Variants in C1orf21 observed in about 807,000 individuals in gnomAD.
C1orf21 encodes chromosome 1 open reading frame 21.
A neutral mutation model predicts 18.7 loss-of-function variants in C1orf21; 3 were observed. The observed-to-expected ratio is 0.16, with a 90% CI of 0.07 to 0.42. The LOEUF (loss-of-function observed/expected upper bound fraction) is 0.42, where lower values mean the gene tolerates loss of function less well. Among genes scored for constraint, C1orf21 ranks in the 10% least tolerant of loss-of-function variants. The pLI is 0.99. For missense variants in C1orf21, 104 were observed against 143.6 expected (o/e 0.72, Z 1.41); for synonymous variants, 41 against 46.4 (o/e 0.88, Z 0.47).
At position 184,455,041 on chromosome 1, in the gene C1orf21, A is replaced by G. The variant is rs575911039; in HGVS notation, c.-124-22345A>G. ...TGAAAAGAAGGGGGCAGGGGGGACA[A>G]TCAATTATGTATTTGTCTCAGGCTC... On this transcript the variant is annotated intron_variant, in intron 1 of 5. Transcript: ENST00000235307. Among the ~76,000 whole-genome samples, 4 of 152,280 alleles carry G rather than the reference A, an allele frequency of 2.6e-5. No homozygotes were observed. The South Asian group carries it at 8.3e-4, about 32-fold the overall frequency.
intron 1 of C1orf21, among the ~76,000 whole-genome samples, chr1:184,423,185 G>A (rs1008673067): frequency 6.6e-6 from 1 of 152,190 alleles, no homozygotes; most frequent in Non-Finnish European, 1.5e-5. Flanking sequence ...AATAACTGCT[G>A]AAAGTCAGGT....
chr1:184,455,056 G>T (rs571278415), intron 1 of C1orf21, among the ~76,000 whole-genome samples: 3 of 152,088 alleles, frequency 2.0e-5, no homozygotes, highest in Non-Finnish European at 4.4e-5. Context: ...TTATGTATTT[G>T]TCTCAGGCTC....
At chr1:184,457,857 G>A (rs903366764) in intron 1 of C1orf21, among the ~76,000 whole-genome samples, 1 of 152,104 alleles carries the variant, frequency 6.6e-6, no homozygotes, top group Non-Finnish European at 1.5e-5. Context: ...ATCATTTAAA[G>A]GCATGTGTAC....
At chr1:184,424,758 CA>C (rs1317781012) in intron 1 of C1orf21, among the ~76,000 whole-genome samples, 1 of 152,150 alleles carries the variant, frequency 6.6e-6, no homozygotes, top group Non-Finnish European at 1.5e-5. Flanking sequence ...GGCACACAGC[CA>C]GTAAGTGGAA....
intron 5 of C1orf21, among the ~76,000 whole-genome samples, chr1:184,607,374 A>G (rs1659662158): frequency 1.3e-5 from 2 of 152,158 alleles, no homozygotes; most frequent in Admixed American, 1.3e-4. Context: ...TAACACTTAA[A>G]ACATCAAATG....
intron 2 of C1orf21, among the ~76,000 whole-genome samples, chr1:184,502,547 A>G (rs533852687): frequency 6.6e-6 from 1 of 152,228 alleles, no homozygotes; most frequent in South Asian, 2.1e-4. Context: ...AATGTAAATA[A>G]GCATTAGGTT....
At chr1:184,557,048 C>T (rs1040675812) in intron 3 of C1orf21, among the ~76,000 whole-genome samples, 3 of 152,254 alleles carry the variant, frequency 2.0e-5, no homozygotes, top group African/African-American at 7.2e-5. Flanking sequence ...TCTGTCAACT[C>T]GTGAATTATT....
intron 2 of C1orf21, among the ~76,000 whole-genome samples, chr1:184,488,366 A>G (rs1657764583): frequency 6.6e-6 from 1 of 152,238 alleles, no homozygotes; most frequent in African/African-American, 2.4e-5. Context: ...CCATAAATCT[A>G]TACATGAGTG....
At chr1:184,434,909 G>A (rs1656834840) in intron 1 of C1orf21, among the ~76,000 whole-genome samples, 1 of 152,180 alleles carries the variant, frequency 6.6e-6, no homozygotes, top group Non-Finnish European at 1.5e-5. Flanking sequence ...GAAACTTTTG[G>A]TGGGTTTTGA....
chr1:184,410,624 T>A lies in C1orf21; in HGVS notation c.-125+23256T>A, dbSNP rs1366002474. ...ATTAATTTGCCATATATATTATATA[T>A]ATATATATATATATATATATATATA... is the stretch of plus-strand genomic sequence containing the variant. On this transcript the variant is annotated intron_variant, in intron 1 of 5. Coordinates refer to ENST00000235307, the MANE Select transcript of C1orf21 (RefSeq NM_030806.4). Among the ~76,000 whole-genome samples, 14 of 2,810 alleles carry A rather than the reference T, an allele frequency of 5.0e-3. 4 individuals carry two copies. In the African/African-American group the frequency reaches 0.1, roughly 20 times the overall value. The allele number at this position is 2,810 out of a possible 152,430, so 1.8% of individuals were successfully genotyped here.
At chr1:184,576,937 C>T (rs1400673101) in intron 3 of C1orf21, among the ~76,000 whole-genome samples, 1 of 152,144 alleles carries the variant, frequency 6.6e-6, no homozygotes, top group Non-Finnish European at 1.5e-5. Context: ...GCACTCCAGC[C>T]AGGAGCCAAG....
chr1:184,410,648 T>A lies in C1orf21; in HGVS notation c.-125+23280T>A, dbSNP rs1405912157. Reference sequence around the variant, plus strand: ...ATATATATATATATATATATATATATATATATATATATATATTTTTTTTTT... The same window carrying A: ...ATATATATATATATATATATATATAAATATATATATATATATTTTTTTTTT... On this transcript the variant is annotated intron_variant, in intron 1 of 5. Coordinates refer to ENST00000235307, the MANE Select transcript of C1orf21 (RefSeq NM_030806.4). Among the ~76,000 whole-genome samples the A allele has an allele frequency of 2.9e-4, 2 of 7,006 alleles. 1 individual carries two copies. Among genetic ancestry groups the A allele is most frequent in the African/African-American group, 5.5e-3 (2 of 366 alleles). 4.6% of individuals were successfully genotyped at this position (7,006 alleles called of 152,430 possible). A position where few individuals can be genotyped will look rare whatever the true frequency, so the allele number is the denominator to read the frequency against.
chr1:184,415,304 A>T (rs927802414), intron 1 of C1orf21, among the ~76,000 whole-genome samples: 37 of 152,186 alleles, frequency 2.4e-4, no homozygotes, highest in Non-Finnish European at 4.1e-4. Context: ...GCCTCTTTGG[A>T]CCTTCTTCTT....
At chr1:184,613,637 C>T (rs895019891) in intron 5 of C1orf21, among the ~76,000 whole-genome samples, 3 of 152,142 alleles carry the variant, frequency 2.0e-5, no homozygotes, top group Non-Finnish European at 2.9e-5. Context: ...TACCATTTAA[C>T]AGCCTCCACC....
chr1:184,559,333 T>C (rs995006085), intron 3 of C1orf21, among the ~76,000 whole-genome samples: 1 of 152,172 alleles, frequency 6.6e-6, no homozygotes, highest in Admixed American at 6.5e-5. Context: ...TGCCTCACTT[T>C]CTGCCATGAG....
chr1:184,537,615 C>A (rs961609628), intron 3 of C1orf21, among the ~76,000 whole-genome samples: 9 of 152,082 alleles, frequency 5.9e-5, no homozygotes, highest in Non-Finnish European at 2.9e-5. Flanking sequence ...CATGGGTGTA[C>A]AAGTATCTCT....
At chr1:184,528,544 C>T (rs1328964900) in intron 3 of C1orf21, among the ~76,000 whole-genome samples, 2 of 151,960 alleles carry the variant, frequency 1.3e-5, no homozygotes, top group African/African-American at 4.8e-5. Context: ...TCCCAGGTTC[C>T]AGCAATTCTC....
At chr1:184,401,505 G>A (rs1018551627) in intron 1 of C1orf21, among the ~76,000 whole-genome samples, 7 of 152,302 alleles carry the variant, frequency 4.6e-5, no homozygotes, top group Non-Finnish European at 8.8e-5. Flanking sequence ...GGGATTACAG[G>A]TGTGAGCCAC....
chr1:184,427,404 T>C (rs1402072665), intron 1 of C1orf21, among the ~76,000 whole-genome samples: 3 of 152,178 alleles, frequency 2.0e-5, no homozygotes, highest in African/African-American at 7.2e-5. Context: ...TCAGAGAGGC[T>C]TGGAGGTCAG....
Sources: allele counts gnomAD v4.1 joint callset (sites outside exome capture counted in the v4.1 genomes callset), GRCh38; gene constraint gnomAD v4.1.1; transcripts MANE v1.5; gene names NCBI Gene and HGNC (gene_info 2026-07-23, HGNC 2026-07-21).